RASGEF1C: variants seen among roughly 807,000 people sequenced by gnomAD.
RASGEF1C encodes RasGEF domain family member 1C.
A neutral mutation model predicts 58.1 loss-of-function variants in RASGEF1C; 27 were observed. The ratio of observed to expected loss-of-function variants is 0.46; its 90% CI spans 0.34 to 0.64. The LOEUF (loss-of-function observed/expected upper bound fraction) is 0.64. Among genes scored for constraint, RASGEF1C ranks in the 30% least tolerant of loss-of-function variants. RASGEF1C has a pLI of 0.01. For synonymous variants in RASGEF1C, 243 were observed against 246.3 expected (o/e 0.99, Z 0.13); for missense variants, 502 against 605.1 (o/e 0.83, Z 1.79).
intron 1 of RASGEF1C, among the ~76,000 whole-genome samples, chr5:180,176,139 A>C (rs1767222454): frequency 6.6e-6 from 1 of 152,228 alleles, no homozygotes. Flanking sequence ...GATAGGGTGG[A>C]CTTCAGGACC....
intron 1 of RASGEF1C, among the ~76,000 whole-genome samples, chr5:180,152,995 CT>C (rs1220778158): frequency 2.0e-5 from 3 of 149,508 alleles, no homozygotes; most frequent in African/African-American, 7.4e-5. Context: ...CTTCTTGGGT[CT>C]TTTTTGAGGC....
At chr5:180,180,955 T>A (rs1335396941) in intron 1 of RASGEF1C, among the ~76,000 whole-genome samples, 1 of 152,200 alleles carries the variant, frequency 6.6e-6, no homozygotes, top group Non-Finnish European at 1.5e-5. Flanking sequence ...TCAATCAATG[T>A]TCACACAAAA....
chr5:180,153,206 G>A (rs988627082), intron 1 of RASGEF1C, among the ~76,000 whole-genome samples: 1 of 152,116 alleles, frequency 6.6e-6, no homozygotes, highest in Admixed American at 6.6e-5. Flanking sequence ...ATACAATGGG[G>A]GCCCACCTCT....
In RASGEF1C at chr5:180,128,515, C is replaced by T. The variant is rs374919030; in HGVS notation, c.534G>A (p.Lys178=). 1.7e-5 allele frequency: 27 copies of T among 1,614,002 alleles called. No homozygotes were observed. The highest frequency in any genetic ancestry group is 7.7e-5 in the South Asian group (7 of 91,086). ...QGPEGLVGAD[K]PISYRTKPPA... ...GTGGCTTGGTCCTGTAGGAGATGGG[C>T]TTGTCGGCACCCACCAGACCTTCTG... The change falls in exon 5 of 14, where the codon AAG becomes AAA. Residue 178 remains lysine (K), a synonymous_variant. Transcript: ENST00000361132.
chr5:180,102,089 T>C lies in RASGEF1C; in HGVS notation c.1358A>G (p.Glu453Gly). 1 of 1,602,516 alleles carries C rather than the reference T, an allele frequency of 6.2e-7. No individual in the cohort carries two copies. Among genetic ancestry groups the C allele is most frequent in the South Asian group, 1.1e-5 (1 of 90,818 alleles). ...GACTCACCTTAGAGCTTTCCATCTT[T>C]CTTTTTCTGTTTGGTTCTCTGGGCT... ...SESPENQTEK[E>G]RWKALRSSIL... The change falls in exon 13 of 14, where the codon GAA (glutamate) becomes GGA (glycine). Residue 453 changes from glutamate to glycine, a missense_variant. Coordinates refer to ENST00000361132, the MANE Select transcript of RASGEF1C (RefSeq NM_175062.4).
rs138554494 is a variant in RASGEF1C at position 180,192,182 on chromosome 5, C to T, written c.-7+16846G>A. 7.9e-5 allele frequency among the ~76,000 whole-genome samples: 12 copies of T among 152,254 alleles called. No homozygotes were observed. In the East Asian group the frequency reaches 2.1e-3, roughly 27 times the overall value. Reference sequence around the variant, plus strand: ...CAACAGACTAGTGACCTTGATCACACGGGAAAATATCCTTTCTGCCATATA... The same window carrying T: ...CAACAGACTAGTGACCTTGATCACATGGGAAAATATCCTTTCTGCCATATA... On this transcript the variant is annotated intron_variant, in intron 1 of 13. Coordinates refer to ENST00000361132, the MANE Select transcript of RASGEF1C (RefSeq NM_175062.4).
intron 1 of RASGEF1C, among the ~76,000 whole-genome samples, chr5:180,207,631 C>T (rs377739707): frequency 8.3e-6 from 1 of 120,500 alleles, no homozygotes; most frequent in Non-Finnish European, 1.8e-5. Context: ...CCCTCTCTCG[C>T]CTGCCCTCCC....
rs760607067 is a variant in RASGEF1C at position 180,137,557 on chromosome 5, C to T, written c.300+33G>A. The T allele has an allele frequency of 7.5e-6, 12 of 1,597,306 alleles. No homozygotes were observed. The highest frequency in any genetic ancestry group is 1.0e-5 in the Non-Finnish European group (12 of 1,173,930). ...GGCATGGCAGGGCAGTGCTGGTACA[C>T]TCTGAGACCCCCTGGCCTGCCCTCC... On this transcript the variant is annotated intron_variant, in intron 3 of 13. Transcript: ENST00000361132. This position sits in a 1 kb window ranked among gnomAD's most constrained non-coding sequence, Gnocchi z 4.1.
chr5:180,146,413 C>G (rs1018085332), intron 1 of RASGEF1C, among the ~76,000 whole-genome samples: 3 of 152,190 alleles, frequency 2.0e-5, no homozygotes, highest in African/African-American at 7.2e-5. Context: ...GTTGGGATTA[C>G]AGGCATGAGC....
chr5:180,179,880 T>C (rs1767295489), intron 1 of RASGEF1C, among the ~76,000 whole-genome samples: 2 of 152,074 alleles, frequency 1.3e-5, no homozygotes, highest in South Asian at 4.1e-4. Flanking sequence ...GAGTAAGAGG[T>C]GTCAGTTTCC....
intron 1 of RASGEF1C, among the ~76,000 whole-genome samples, chr5:180,199,747 C>T (rs1046714967): frequency 6.8e-6 from 1 of 148,132 alleles, no homozygotes; most frequent in East Asian, 2.1e-4. Context: ...GTTCTGTAGC[C>T]TTGAACCCCT....
intron 1 of RASGEF1C, among the ~76,000 whole-genome samples, chr5:180,169,247 G>A (rs540270171): frequency 1.3e-4 from 20 of 152,128 alleles, no homozygotes; most frequent in Non-Finnish European, 2.9e-5. Flanking sequence ...TTTAACAAAC[G>A]AGCTGATTTT....
intron 5 of RASGEF1C, among the ~76,000 whole-genome samples, 181 bp downstream of exon 5, chr5:180,128,229 C>T (rs1015884901): frequency 6.6e-6 from 1 of 152,222 alleles, no homozygotes; most frequent in African/African-American, 2.4e-5. Context: ...GCCCCAGCCT[C>T]CCTCTCCCTG....
intron 1 of RASGEF1C, among the ~76,000 whole-genome samples, chr5:180,140,375 C>T (rs892224614): frequency 1.3e-5 from 2 of 152,188 alleles, no homozygotes; most frequent in South Asian, 2.1e-4. Context: ...TCCATTCATG[C>T]GTGTATGCAT....
chr5:180,117,994 C>CAAAAA (rs3078957), intron 10 of RASGEF1C, among the ~76,000 whole-genome samples: 3 of 108,652 alleles, frequency 2.8e-5, no homozygotes, highest in African/African-American at 7.3e-5. Context: ...ACTCCATCTC[C>CAAAAA]AAAAAAAAAA....
intron 1 of RASGEF1C, among the ~76,000 whole-genome samples, chr5:180,176,440 C>T (rs967226075): frequency 2.0e-5 from 3 of 152,234 alleles, no homozygotes; most frequent in Admixed American, 6.5e-5. Flanking sequence ...GCAGGCCCCG[C>T]GCCATCCATC....
At position 180,154,827 on chromosome 5, in the gene RASGEF1C, C is replaced by T. The variant is rs554322803; in HGVS notation, c.-6-16769G>A. On this transcript the variant is annotated intron_variant, in intron 1 of 13. Transcript: ENST00000361132. Reference sequence around the variant, plus strand: ...CGATCTCCCGACCTCGTGATCCACCCGCCTCAGCCTCCCAAAGGGCTGGGA... The same window carrying T: ...CGATCTCCCGACCTCGTGATCCACCTGCCTCAGCCTCCCAAAGGGCTGGGA... Among the ~76,000 whole-genome samples, 10 of 152,184 alleles carry T rather than the reference C, an allele frequency of 6.6e-5. No individual in the cohort carries two copies. The East Asian group carries it at 1.7e-3, about 27-fold the overall frequency.
intron 1 of RASGEF1C, 167 bp from the exon 2 acceptor site, chr5:180,138,225 C>T (rs776007802): frequency 4.2e-6 from 2 of 480,464 alleles, no homozygotes; most frequent in Non-Finnish European, 7.3e-6. Flanking sequence ...TGTCAGGGCC[C>T]CTTCCTCACA....
At chr5:180,185,928 T>A (rs1042933857) in intron 1 of RASGEF1C, among the ~76,000 whole-genome samples, 3 of 151,758 alleles carry the variant, frequency 2.0e-5, no homozygotes, top group Admixed American at 6.6e-5. Context: ...CATGACCCTG[T>A]CTCTCCAAAA....
Sources: allele counts gnomAD v4.1 joint callset (sites outside exome capture counted in the v4.1 genomes callset), GRCh38; gene constraint gnomAD v4.1.1; non-coding constraint Gnocchi (gnomAD v3.1); transcripts MANE v1.5; gene names NCBI Gene and HGNC (gene_info 2026-07-23, HGNC 2026-07-21).